Variants in SPIDR observed in about 807,000 individuals in gnomAD.
SPIDR encodes the protein scaffold protein involved in DNA repair.
SPIDR carries 93 observed loss-of-function variants against 104.6 expected under a neutral mutation model. The ratio of observed to expected loss-of-function variants is 0.89; its 90% CI spans 0.75 to 1.06. The LOEUF is 1.06. SPIDR is among the 50% of genes least tolerant of loss of function. The pLI is 0.00. For missense variants in SPIDR, 1,154 were observed against 1,111.2 expected (o/e 1.04, Z -0.55); for synonymous variants, 431 against 416.9 (o/e 1.03, Z -0.41).
At chr8:47,389,249 A>G (rs1186331587) in intron 5 of SPIDR, among the ~76,000 whole-genome samples, 3 of 152,230 alleles carry the variant, frequency 2.0e-5, no homozygotes, top group Non-Finnish European at 4.4e-5. Flanking sequence ...TGAAAGTTTC[A>G]AGAGGGCATC....
At chr8:47,492,890 A>G (rs1483791491) in intron 8 of SPIDR, among the ~76,000 whole-genome samples, 1 of 152,032 alleles carries the variant, frequency 6.6e-6, no homozygotes, top group Admixed American at 6.6e-5. Context: ...TATTCCTGGT[A>G]TTTCCACCCT....
At chr8:47,440,627 C>T (rs2069234748) in intron 8 of SPIDR, 85 bp downstream of exon 8, 3 of 1,387,806 alleles carry the variant, frequency 2.2e-6, no homozygotes, top group Non-Finnish European at 2.9e-6. Flanking sequence ...ACATTTTTGT[C>T]ACTTTATCAT....
At chr8:47,266,740 G>C (rs1479667999) in intron 1 of SPIDR, among the ~76,000 whole-genome samples, 1 of 152,178 alleles carries the variant, frequency 6.6e-6, no homozygotes, top group Non-Finnish European at 1.5e-5. Context: ...TGGCAATGTT[G>C]TTATTCAGTT....
chr8:47,404,380 C>G (rs1000481321), intron 6 of SPIDR, among the ~76,000 whole-genome samples: 27 of 152,272 alleles, frequency 1.8e-4, no homozygotes, highest in Middle Eastern at 3.4e-3. Flanking sequence ...AGCTTCTGCA[C>G]AGCAAAAGAA....
At chr8:47,539,973 C>T (rs2087781610) in intron 8 of SPIDR, among the ~76,000 whole-genome samples, 1 of 152,088 alleles carries the variant, frequency 6.6e-6, no homozygotes, top group Admixed American at 6.6e-5. Context: ...TTCTGTGGCC[C>T]TGAGAGACAG....
At chr8:47,716,720 G>A (rs1417677802) in intron 16 of SPIDR, among the ~76,000 whole-genome samples, 1 of 152,050 alleles carries the variant, frequency 6.6e-6, no homozygotes, top group Non-Finnish European at 1.5e-5. Flanking sequence ...GGTGGCCTTA[G>A]GACCATCAGG....
At chr8:47,469,506 T>A (rs577731262) in intron 8 of SPIDR, among the ~76,000 whole-genome samples, 1 of 151,932 alleles carries the variant, frequency 6.6e-6, no homozygotes, top group South Asian at 2.1e-4. Flanking sequence ...AAAGAAAATG[T>A]GGTGTGTATA....
chr8:47,319,656 C>T (rs576562736), intron 5 of SPIDR, among the ~76,000 whole-genome samples: 20 of 152,274 alleles, frequency 1.3e-4, no homozygotes, highest in African/African-American at 4.8e-4. Context: ...TTCTCAGCAC[C>T]ACACCGCACT....
chr8:47,685,133 A>T (rs1589169232), intron 11 of SPIDR, among the ~76,000 whole-genome samples: 1 of 152,126 alleles, frequency 6.6e-6, no homozygotes. Flanking sequence ...AATCGCTTGA[A>T]CCCTGGAGGC....
intron 7 of SPIDR, among the ~76,000 whole-genome samples, chr8:47,425,694 T>C (rs1554684199): frequency 6.6e-6 from 1 of 152,206 alleles, no homozygotes; most frequent in East Asian, 1.9e-4. Flanking sequence ...AAGATTTCTT[T>C]AGGTTATTAT....
rs189492788 is a variant in SPIDR at position 47,321,788 on chromosome 8, C to T, written c.525+27758C>T. Among the ~76,000 whole-genome samples, 457 of 152,198 alleles carry T rather than the reference C, an allele frequency of 3.0e-3. 2 individuals are homozygous for T. The highest frequency in any genetic ancestry group is 0.011 in the African/African-American group (437 of 41,524). ...CAGAACAGAGCCCTCAGAAATAATG[C>T]CACATATCTACAACCATCTGATCTT... On this transcript the variant is annotated intron_variant, in intron 5 of 19. Transcript: ENST00000297423.
chr8:47,313,959 A>G (rs587746885), intron 5 of SPIDR, among the ~76,000 whole-genome samples: 1 of 152,376 alleles, frequency 6.6e-6, no homozygotes, highest in South Asian at 2.1e-4. Flanking sequence ...AAGCTGAAGG[A>G]AAGTGTTACC....
intron 10 of SPIDR, among the ~76,000 whole-genome samples, chr8:47,606,170 T>G (rs1293655359): frequency 6.6e-6 from 1 of 152,034 alleles, no homozygotes; most frequent in Non-Finnish European, 1.5e-5. Context: ...CTGGGGCCAG[T>G]GTTGAATGGT....
chr8:47,691,783 G>A (rs966105498), intron 11 of SPIDR, among the ~76,000 whole-genome samples: 10 of 152,192 alleles, frequency 6.6e-5, no homozygotes, highest in African/African-American at 1.9e-4. Flanking sequence ...TAGCAGGACC[G>A]ATGGGCACAC....
intron 6 of SPIDR, among the ~76,000 whole-genome samples, chr8:47,404,408 C>T (rs1223952886): frequency 6.6e-6 from 1 of 152,300 alleles, no homozygotes; most frequent in Non-Finnish European, 1.5e-5. Context: ...TCAGAGTGAA[C>T]AGGCAACCTA....
chr8:47,393,306 C>A (rs1554653701), intron 5 of SPIDR, among the ~76,000 whole-genome samples: 1 of 152,208 alleles, frequency 6.6e-6, no homozygotes, highest in Non-Finnish European at 1.5e-5. Context: ...CCTCTCTATT[C>A]CCACTACCTC....
intron 7 of SPIDR, among the ~76,000 whole-genome samples, chr8:47,436,359 TGTACTA>T (rs2068323025): frequency 6.6e-6 from 1 of 152,204 alleles, no homozygotes; most frequent in African/African-American, 2.4e-5. Flanking sequence ...TGGCCTTTTA[TGTACTA>T]GTCATCTAAT....
At position 47,392,204 on chromosome 8, in the gene SPIDR, A is replaced by G. The variant is rs145515757; in HGVS notation, c.526-4172A>G. On this transcript the variant is annotated intron_variant, in intron 5 of 19. Transcript: ENST00000297423. The stretch of plus-strand genomic sequence containing the variant: ...TTGAAGATGGGGAAACAACCTCATC[A>G]AAGAAACTACCTTAGGGAAGTTAAA... Among the ~76,000 whole-genome samples the G allele has an allele frequency of 1.8e-4, 27 of 152,274 alleles. 1 individual carries two copies. The highest frequency in any genetic ancestry group is 6.3e-4 in the African/African-American group (26 of 41,552).
chr8:47,370,483 G>T (rs759888885), intron 5 of SPIDR, among the ~76,000 whole-genome samples: 1 of 122,906 alleles, frequency 8.1e-6, no homozygotes, highest in Non-Finnish European at 1.6e-5. Context: ...GTTTTGCGCT[G>T]TCGCCCAGGC....
Sources: gnomAD v4.1 joint callset for allele counts (sites outside exome capture counted in the v4.1 genomes callset) on GRCh38, gnomAD v4.1.1 for gene constraint, MANE v1.5 for transcripts, NCBI Gene and HGNC (gene_info 2026-07-23, HGNC 2026-07-21) for gene names.